DENND5B: variants seen among roughly 807,000 people sequenced by gnomAD.
The protein encoded by DENND5B is DENN domain-containing protein 5B.
A neutral mutation model predicts 140.6 loss-of-function variants in DENND5B; 34 were observed. The ratio of observed to expected loss-of-function variants is 0.24; its 90% CI spans 0.18 to 0.32. The LOEUF (loss-of-function observed/expected upper bound fraction) is 0.32, where lower values mean the gene tolerates loss of function less well. Among genes scored for constraint, DENND5B ranks in the 10% least tolerant of loss-of-function variants. The pLI is 1.00. For missense variants in DENND5B, 1,142 were observed against 1,560.2 expected (o/e 0.73, Z 4.52); for synonymous variants, 551 against 562.1 (o/e 0.98, Z 0.28).
In DENND5B at chr12:31,398,345, C is replaced by A; in HGVS notation, c.3086G>T (p.Trp1029Leu). 6.5e-7 allele frequency: 1 copy of A among 1,547,388 alleles called. No homozygotes were observed. Among genetic ancestry groups the A allele is most frequent in the Non-Finnish European group, 8.7e-7 (1 of 1,146,166 alleles). The change falls in exon 17 of 21, where the codon TGG (tryptophan) becomes TTG (leucine). Residue 1029 changes from tryptophan to leucine, a missense_variant. By Grantham distance (61) the Trp-to-Leu change is moderately conservative. This residue lies in a region of DENND5B where 268 missense variants were observed against 349.2 expected (regional missense o/e 0.77). Coordinates refer to ENST00000389082, the MANE Select transcript of DENND5B (RefSeq NM_144973.4). Reference sequence around the variant, plus strand: ...CCCATCATCAATGCCTTTCCCCAGCCACCGCCCACATGGGAATCTGGTAGG... The same window carrying A: ...CCCATCATCAATGCCTTTCCCCAGCAACCGCCCACATGGGAATCTGGTAGG... ...GHTYRFPCGR[W>L]LGKGIDDGSL...
chr12:31,566,812 A>G (rs1162180381), intron 1 of DENND5B, among the ~76,000 whole-genome samples: 3 of 152,208 alleles, frequency 2.0e-5, no homozygotes, highest in Non-Finnish European at 4.4e-5. Flanking sequence ...GCAGTTCAAC[A>G]TCAGATTCTT....
intron 8 of DENND5B, among the ~76,000 whole-genome samples, chr12:31,431,410 T>A (rs1023520253): frequency 6.6e-6 from 1 of 152,196 alleles, no homozygotes; most frequent in Non-Finnish European, 1.5e-5. Context: ...CAAGCTGGCA[T>A]GCAGGGTAAA....
intron 14 of DENND5B, among the ~76,000 whole-genome samples, chr12:31,404,277 A>AG (rs2137445241): frequency 6.6e-6 from 1 of 152,204 alleles, no homozygotes; most frequent in East Asian, 1.9e-4. Flanking sequence ...TGTCCATCAC[A>AG]GCCATACATT....
At chr12:31,413,943 G>C (rs935179571) in intron 12 of DENND5B, among the ~76,000 whole-genome samples, 11 of 152,118 alleles carry the variant, frequency 7.2e-5, no homozygotes, top group Non-Finnish European at 2.9e-5. Flanking sequence ...CAAAATAACT[G>C]TTCTATAGCA....
chr12:31,407,915 T>G (rs1565549620), intron 14 of DENND5B, among the ~76,000 whole-genome samples: 1 of 152,144 alleles, frequency 6.6e-6, no homozygotes, highest in Non-Finnish European at 1.5e-5. Flanking sequence ...CAAGTAAAAA[T>G]TCTCCAAAGT....
At chr12:31,432,204 A>C in intron 8 of DENND5B, 1 of 763,696 alleles carries the variant, frequency 1.3e-6, no homozygotes, top group Non-Finnish European at 1.6e-6. Flanking sequence ...AGAAAAGGAT[A>C]GGGAGAAAGA....
chr12:31,469,569 A>G (rs985443169), intron 3 of DENND5B, among the ~76,000 whole-genome samples: 3 of 152,160 alleles, frequency 2.0e-5, no homozygotes, highest in Non-Finnish European at 4.4e-5. Context: ...GGGAATTTAT[A>G]GAACTTGAGG....
intron 7 of DENND5B, among the ~76,000 whole-genome samples, chr12:31,435,658 TTTTAGTTTG>T (rs771891849): frequency 1.3e-5 from 2 of 151,434 alleles, no homozygotes; most frequent in East Asian, 1.9e-4. Context: ...TTAAATTTTG[TTTTAGTTTG>T]TTTGTTTGTT....
chr12:31,590,758 G>A lies in DENND5B; in HGVS notation c.75C>T (p.Phe25=). ...TGTCCGCGTCGATCCCGCACAGCAC[G>A]AAGTAGTGCGCGAAGCGGCAGGCGG... ...SPAACRFAHY[F]VLCGIDADSG... is the part of the protein sequence containing the mutation. Residue 25 remains phenylalanine, a synonymous_variant, in exon 1 of 21, where the codon TTC becomes TTT. Coordinates refer to ENST00000389082, the MANE Select transcript of DENND5B (RefSeq NM_144973.4). 4.2e-6 allele frequency: 6 copies of A among 1,422,254 alleles called. No homozygotes were observed. Among genetic ancestry groups the A allele is most frequent in the South Asian group, 1.4e-5 (1 of 70,386 alleles). The allele number at this position is 1,422,254 out of a possible 1,614,324, so 88.1% of individuals were successfully genotyped here. A position where few individuals can be genotyped will look rare whatever the true frequency, so the allele number is the denominator to read the frequency against.
At chr12:31,567,614 G>A (rs1462468629) in intron 1 of DENND5B, among the ~76,000 whole-genome samples, 2 of 149,586 alleles carry the variant, frequency 1.3e-5, no homozygotes, top group Non-Finnish European at 3.0e-5. Flanking sequence ...CCTCCATCCA[G>A]AGTGATATTC....
At chr12:31,411,167 T>C (rs1193732249) in intron 13 of DENND5B, among the ~76,000 whole-genome samples, 1 of 151,780 alleles carries the variant, frequency 6.6e-6, no homozygotes, top group Non-Finnish European at 1.5e-5. Flanking sequence ...AGCCTCCAAG[T>C]AGCTGGGATT....
intron 3 of DENND5B, among the ~76,000 whole-genome samples, chr12:31,472,911 T>C (rs900734476): frequency 5.3e-5 from 8 of 152,124 alleles, no homozygotes; most frequent in Non-Finnish European, 8.8e-5. Flanking sequence ...GAGAGCCTTA[T>C]ATGCTGTTGC....
chr12:31,513,136 G>C (rs1197835614), intron 1 of DENND5B, among the ~76,000 whole-genome samples: 1 of 152,056 alleles, frequency 6.6e-6, no homozygotes, highest in Non-Finnish European at 1.5e-5. Context: ...ACTGGGATTT[G>C]TCTGATGTTT....
chr12:31,499,146 GA>G (rs897587927), intron 1 of DENND5B, among the ~76,000 whole-genome samples: 1 of 151,392 alleles, frequency 6.6e-6, no homozygotes, highest in African/African-American at 2.4e-5. Flanking sequence ...TTACTGCTGG[GA>G]AAAAAAAACA....
chr12:31,440,369 G>A (rs1467443441), intron 7 of DENND5B, among the ~76,000 whole-genome samples: 14 of 152,110 alleles, frequency 9.2e-5, no homozygotes, highest in Non-Finnish European at 1.5e-5. Flanking sequence ...TTTAAGTTCA[G>A]TGTGTATAAA....
At chr12:31,393,629 T>C (rs1362688430) in intron 17 of DENND5B, among the ~76,000 whole-genome samples, 1 of 152,220 alleles carries the variant, frequency 6.6e-6, no homozygotes, top group African/African-American at 2.4e-5. Flanking sequence ...GGAAAACCCA[T>C]ACATCCTCAT....
chr12:31,448,361 T>C (rs1944363886), intron 5 of DENND5B, among the ~76,000 whole-genome samples: 1 of 152,010 alleles, frequency 6.6e-6, no homozygotes, highest in South Asian at 2.1e-4. Context: ...GGTCTCGATC[T>C]CCTGACCTCA....
rs572922166 is a variant in DENND5B, at chr12:31,432,136, C to T, written c.2106+1019G>A. On this transcript the variant is annotated intron_variant, in intron 8 of 20. Transcript: ENST00000389082. ...AGAATGCCATGGAGTTCTGACAGAC[C>T]AAAAGTTCCCCGGAAGGCTAAGAGG... The T allele has an allele frequency of 5.9e-5, 58 of 984,764 alleles. No individual in the cohort carries two copies. In the African/African-American group the frequency reaches 7.0e-4, roughly 12 times the overall value. 61.0% of individuals were successfully genotyped at this position (984,764 alleles called of 1,614,324 possible). A position where few individuals can be genotyped will look rare whatever the true frequency, so the allele number is the denominator to read the frequency against.
chr12:31,394,775 G>A (rs965200588), intron 17 of DENND5B, among the ~76,000 whole-genome samples: 5 of 151,990 alleles, frequency 3.3e-5, no homozygotes, highest in East Asian at 1.9e-4. Flanking sequence ...CACCATGCCC[G>A]GCTAATTTTT....
Sources: allele counts gnomAD v4.1 joint callset (sites outside exome capture counted in the v4.1 genomes callset), GRCh38; gene constraint gnomAD v4.1.1; regional missense constraint gnomAD v4.1.1; transcripts MANE v1.5; gene names NCBI Gene and HGNC (gene_info 2026-07-23, HGNC 2026-07-21).